PARVB: variants seen among roughly 807,000 people sequenced by gnomAD.
PARVB encodes the protein parvin beta, also known as beta-parvin.
In PARVB, 46 loss-of-function variants were observed where a neutral mutation model predicts 47.0. The ratio of observed to expected loss-of-function variants is 0.98; its 90% confidence interval spans 0.77 to 1.25. The LOEUF is 1.25. PARVB is among the 50% of genes most tolerant of loss of function. PARVB has a pLI of 0.00. For synonymous variants in PARVB, 196 were observed against 196.3 expected (o/e 1.00, Z 0.01); for missense variants, 473 against 471.6 (o/e 1.00, Z -0.03).
chr22:44,113,933 C>G lies in PARVB; in HGVS notation c.274-5105C>G, dbSNP rs542139228. On this transcript the variant is annotated intron_variant, in intron 3 of 12. Transcript: ENST00000338758. ...CTGCACCAACACAGATACATTGTTA[C>G]TAACTAAGGCCCTGCACCAGCACAG... 3.8e-5 allele frequency: 2 copies of G among 52,954 alleles called. 1 individual carries two copies. The highest frequency in any genetic ancestry group is 1.4e-3 in the South Asian group (2 of 1,448). The allele number at this position is 52,954 out of a possible 1,614,324, so 3.3% of individuals were successfully genotyped here. A position where few individuals can be genotyped will look rare whatever the true frequency, so the allele number is the denominator to read the frequency against.
upstream of PARVB, among the ~76,000 whole-genome samples, chr22:44,023,459 C>CGA (rs2050675495): frequency 6.6e-6 from 1 of 151,002 alleles, no homozygotes; most frequent in Admixed American, 6.6e-5. Flanking sequence ...TGCAGTGAGC[C>CGA]GAGATTGTGC....
rs1486778635 is a variant in PARVB, at chr22:44,131,542, G to A, written c.432G>A (p.Gly144=). ...NVAEVTQSEI[G]QKQKLQTVLE... ...CTGAGGTGACACAGTCCGAAATAGG[G>A]CAGAAACAGAAGCTGCAGACGGTGC... Residue 144 remains glycine (G), a synonymous_variant, in exon 5 of 13, where the codon GGG becomes GGA. Coordinates refer to ENST00000338758, the MANE Select transcript of PARVB (RefSeq NM_013327.5). 1 of 1,614,194 alleles carries A rather than the reference G, an allele frequency of 6.2e-7. No homozygotes were observed. The highest frequency in any genetic ancestry group is 8.5e-7 in the Non-Finnish European group (1 of 1,180,038).
At chr22:44,020,259 C>G (rs531771790), upstream of PARVB, among the ~76,000 whole-genome samples, 18 of 151,872 alleles carry the variant, frequency 1.2e-4, no homozygotes, top group Admixed American at 3.9e-4. Flanking sequence ...TCACTGCAAC[C>G]TCGACCTCCT....
chr22:44,050,918 G>A (rs1403145004), intron 1 of PARVB, among the ~76,000 whole-genome samples: 1 of 152,232 alleles, frequency 6.6e-6, no homozygotes, highest in Non-Finnish European at 1.5e-5. Context: ...AGTGGGTGGG[G>A]ATGTGAGCAC....
At chr22:44,167,053 T>G (rs565947965) in intron 12 of PARVB, among the ~76,000 whole-genome samples, 1 of 152,296 alleles carries the variant, frequency 6.6e-6, no homozygotes, top group Non-Finnish European at 1.5e-5. Flanking sequence ...TCACACCCCC[T>G]GCACGTGGGC....
intron 1 of PARVB, among the ~76,000 whole-genome samples, chr22:44,062,504 G>T (rs188337988): frequency 1.3e-4 from 20 of 152,248 alleles, no homozygotes; most frequent in Admixed American, 1.2e-3. Flanking sequence ...TGGGCATGGT[G>T]GTGGGCACTG....
At chr22:44,005,330 G>T (rs1444083948) in intron 2 of PARVB, among the ~76,000 whole-genome samples, 1 of 146,988 alleles carries the variant, frequency 6.8e-6, no homozygotes, top group Non-Finnish European at 1.5e-5. Context: ...CTAGGCTGGT[G>T]TCAAACTCCT....
At chr22:44,108,706 T>G (rs1397888391) in intron 3 of PARVB, 1 of 151,994 alleles carries the variant, frequency 6.6e-6, no homozygotes, top group African/African-American at 2.4e-5. Context: ...TGGGGAGAAT[T>G]ACAAAGAACC....
At chr22:44,052,623 G>A (rs1423872772) in intron 1 of PARVB, among the ~76,000 whole-genome samples, 4 of 152,332 alleles carry the variant, frequency 2.6e-5, no homozygotes, top group South Asian at 2.1e-4. Context: ...AAGCATAGCC[G>A]TGGCTGCGTC....
chr22:44,121,943 G>T (rs1368715175), intron 4 of PARVB, among the ~76,000 whole-genome samples: 1 of 152,126 alleles, frequency 6.6e-6, no homozygotes, highest in African/African-American at 2.4e-5. Flanking sequence ...CTAGGTACAA[G>T]ATTTCTTTGC....
rs923264333 is a variant in PARVB, at chr22:44,082,660, C to T, written c.113-11268C>T. On this transcript the variant is annotated intron_variant, in intron 1 of 12. Coordinates refer to ENST00000338758, the MANE Select transcript of PARVB (RefSeq NM_013327.5). The stretch of plus-strand genomic sequence containing the variant: ...GAAGCTCACCGGCCCCTCCATGCCC[C>T]GGTTTCTCGCCCAGGTGGGTTAGAC... Among the ~76,000 whole-genome samples, 6 of 152,182 alleles carry T rather than the reference C, an allele frequency of 3.9e-5. 1 individual carries two copies. Among genetic ancestry groups the T allele is most frequent in the Non-Finnish European group, 7.3e-5 (5 of 68,028 alleles).
rs562896967 is a variant in PARVB at position 44,153,240 on chromosome 22, T to G, written c.843+1689T>G. On this transcript the variant is annotated intron_variant, in intron 10 of 12. Coordinates refer to ENST00000338758, the MANE Select transcript of PARVB (RefSeq NM_013327.5). ...GAAAAGTAAAAATCTTCCTTTCTCT[T>G]TTTCTGGAGACCTCCCCCTTCAGAC... is the stretch of plus-strand genomic sequence containing the variant. 6 of 152,308 alleles carry G rather than the reference T, an allele frequency of 3.9e-5. No individual in the cohort carries two copies. In the South Asian group the frequency reaches 1.2e-3, roughly 32 times the overall value. 9.4% of individuals were successfully genotyped at this position (152,308 alleles called of 1,614,324 possible).
intron 4 of PARVB, among the ~76,000 whole-genome samples, chr22:44,131,243 G>T (rs2053310361): frequency 6.6e-6 from 1 of 151,434 alleles, no homozygotes; most frequent in Non-Finnish European, 1.5e-5. Flanking sequence ...CCGGGTTCAA[G>T]CACTTCTCCT....
At chr22:44,120,968 T>A (rs1332184973) in intron 4 of PARVB, among the ~76,000 whole-genome samples, 2 of 151,996 alleles carry the variant, frequency 1.3e-5, no homozygotes, top group African/African-American at 4.8e-5. Flanking sequence ...CTTAGCCTCC[T>A]GAGTAGCTGG....
intron 6 of PARVB, 27 bp from the exon 7 acceptor site, chr22:44,136,433 T>A (rs769902408): frequency 6.2e-7 from 1 of 1,610,198 alleles, no homozygotes; most frequent in Admixed American, 1.7e-5. Flanking sequence ...ACTGCCTGAT[T>A]TTGTATGTTT....
chr22:44,117,882 G>C (rs1400412717), intron 3 of PARVB, among the ~76,000 whole-genome samples: 1 of 152,146 alleles, frequency 6.6e-6, no homozygotes, highest in African/African-American at 2.4e-5. Context: ...GCCATTGATT[G>C]AGTCCATTTT....
intron 2 of PARVB, among the ~76,000 whole-genome samples, chr22:44,098,236 G>T (rs547747100): frequency 6.6e-6 from 1 of 152,158 alleles, no homozygotes; most frequent in African/African-American, 2.4e-5. Flanking sequence ...TCTCATACAC[G>T]TGTGGACTCA....
chr22:44,024,373 C>A lies in PARVB; in HGVS notation c.34C>A (p.Pro12Thr), dbSNP rs868261568. ...SSAPRSPTPR[P>T]RRMKKDESFL... ...CGCGCCGCGCTCGCCCACCCCGCGG[C>A]CCCGCAGGATGAAGAAGGACGAGTC... The change falls in exon 1 of 13, where the codon CCC (proline) becomes ACC (threonine). Residue 12 changes from proline (P) to threonine (T), a missense_variant. Physicochemically the swap from Pro to Thr is conservative, Grantham distance 38. Transcript: ENST00000338758. 2 of 1,211,860 alleles carry A rather than the reference C, an allele frequency of 1.7e-6. No individual in the cohort carries two copies. The highest frequency in any genetic ancestry group is 2.1e-6 in the Non-Finnish European group (2 of 961,852). 75.1% of individuals were successfully genotyped at this position (1,211,860 alleles called of 1,614,324 possible). A position where few individuals can be genotyped will look rare whatever the true frequency, so the allele number is the denominator to read the frequency against.
chr22:44,051,130 G>T (rs1026633608), intron 1 of PARVB, among the ~76,000 whole-genome samples: 1 of 152,176 alleles, frequency 6.6e-6, no homozygotes, highest in Non-Finnish European at 1.5e-5. Flanking sequence ...GAGATCTCCC[G>T]TGACAGAGTA....
Sources: allele counts gnomAD v4.1 joint callset (sites outside exome capture counted in the v4.1 genomes callset), GRCh38; gene constraint gnomAD v4.1.1; transcripts MANE v1.5; gene names NCBI Gene and HGNC (gene_info 2026-07-23, HGNC 2026-07-21).